KRT24: variants seen among roughly 807,000 people sequenced by gnomAD.
KRT24 encodes the protein keratin 24.
KRT24 carries 44 observed loss-of-function variants against 51.7 expected under a neutral mutation model. That is an observed-to-expected ratio of 0.85 (90% confidence interval 0.67 to 1.09). The LOEUF is 1.09. Among genes scored for constraint, KRT24 ranks in the 50% least tolerant of loss-of-function variants. The probability of loss-of-function intolerance (pLI) is 0.00; values close to 1 mark genes in which losing one functional copy is unlikely to be tolerated. For missense variants in KRT24, 633 were observed against 647.0 expected, an observed-to-expected ratio of 0.98 and a Z score of 0.24; for synonymous variants, 241 against 249.5, an observed-to-expected ratio of 0.97 and a Z score of 0.32.
At chr17:40,701,794 G>C in intron 2 of KRT24, 57 bp downstream of exon 2, 1 of 282,828 alleles carries the variant, frequency 3.5e-6, no homozygotes. Flanking sequence ...TTTATAAAAT[G>C]GAATAAAATT....
At chr17:40,702,011 G>A in intron 1 of KRT24, 78 bp from the exon 2 acceptor site, 1 of 632,686 alleles carries the variant, frequency 1.6e-6, no homozygotes, top group Non-Finnish European at 2.6e-6. Context: ...AAGGGTAGCT[G>A]TTGCCTGTGT....
chr17:40,699,091 G>T (rs187262585), intron 6 of KRT24, among the ~76,000 whole-genome samples: 87 of 151,990 alleles, frequency 5.7e-4, no homozygotes, highest in Non-Finnish European at 1.1e-3. Context: ...TGGCCAGGCT[G>T]GTCTCGAACT....
At position 40,701,902 on chromosome 17, in the gene KRT24, A is replaced by G; in HGVS notation, c.647T>C (p.Ile216Thr). ...IIAATVENAG[I>T]ILHIDNARLA... is the part of the protein sequence containing the mutation. ...TCTGGCATTGTCAATGTGCAAAATGATCCCAGCATTTTCAACAGTGGCAGC... is the reference window on the plus strand; with the variant it reads ...TCTGGCATTGTCAATGTGCAAAATGGTCCCAGCATTTTCAACAGTGGCAGC... The change falls in exon 2 of 8, where the codon ATC becomes ACC. Residue 216 changes from isoleucine (I) to threonine (T), a missense_variant. Ile to Thr is a moderately conservative substitution (Grantham distance 89). Coordinates refer to ENST00000264651, the MANE Select transcript of KRT24 (RefSeq NM_019016.3). 6.4e-7 allele frequency: 1 copy of G among 1,552,466 alleles called. No homozygotes were observed. The highest frequency in any genetic ancestry group is 8.8e-7 in the Non-Finnish European group (1 of 1,142,624).
At chr17:40,700,484 G>GA (rs929606239) in intron 3 of KRT24, 101 bp from the exon 4 acceptor site, 22,238 of 574,844 alleles carry the variant, frequency 0.039, 626 homozygotes, top group African/African-American at 0.18. Flanking sequence ...ACACTGAAAG[G>GA]AAAAAAAAAA....
rs1042197912 is a variant in KRT24, at chr17:40,703,660, C to A, written c.34G>T (p.Ala12Ser). ...ACCCTGGCTGAGCTGCTGCCTCCAGCCCTGGAGGAGGAGGCGCGAGACGAG... is the reference window on the plus strand; with the variant it reads ...ACCCTGGCTGAGCTGCTGCCTCCAGACCTGGAGGAGGAGGCGCGAGACGAG... The part of the protein sequence containing the change: ...SCSSRASSSR[A>S]GGSSSARVSA... The change falls in exon 1 of 8, where the codon GCT becomes TCT. Residue 12 changes from alanine to serine, a missense_variant. Transcript: ENST00000264651. 31 of 1,588,990 alleles carry A rather than the reference C, an allele frequency of 2.0e-5. No homozygotes were observed. The East Asian group carries it at 6.9e-4, about 36-fold the overall frequency.
In KRT24 at chr17:40,701,303, G is replaced by C. The variant is rs1221235072; in HGVS notation, c.699-7C>G. The C allele has an allele frequency of 6.2e-7, 1 of 1,611,046 alleles. No homozygotes were observed. Among genetic ancestry groups the C allele is most frequent in the South Asian group, 1.1e-5 (1 of 90,358 alleles). Reference sequence around the variant, plus strand: ...ACACAGCTCGTTCTCATACCTGGAAGGGGCAGCAGTAAGGCAAAAAATACT... The same window carrying C: ...ACACAGCTCGTTCTCATACCTGGAACGGGCAGCAGTAAGGCAAAAAATACT... On this transcript the variant is annotated splice_polypyrimidine_tract_variant and splice_region_variant and intron_variant, in intron 2 of 7. Transcript: ENST00000264651.
At position 40,703,065 on chromosome 17, in the gene KRT24, A is replaced by G; in HGVS notation, c.615+14T>C. 1 of 1,563,096 alleles carries G rather than the reference A, an allele frequency of 6.4e-7. No homozygotes were observed. Among genetic ancestry groups the G allele is most frequent in the Non-Finnish European group, 8.6e-7 (1 of 1,158,066 alleles). On this transcript the variant is annotated intron_variant, in intron 1 of 7. Transcript: ENST00000264651. ...ATCCACAAATAATAGAAACTCAGGC[A>G]CAGATAGTCTCACCTGGTTTCTGAG...
rs1191804093 is a variant in KRT24 at position 40,699,984 on chromosome 17, C to T, written c.1143+14G>A. On this transcript the variant is annotated intron_variant, in intron 5 of 7. Transcript: ENST00000264651. ...ACTCCCTGTTGGAAAATGTGAAAAG[C>T]TATTTGCACATACCATGGCCAGTTG... is the stretch of plus-strand genomic sequence containing the variant. 1.2e-6 allele frequency: 2 copies of T among 1,613,752 alleles called. No homozygotes were observed. Among genetic ancestry groups the T allele is most frequent in the Non-Finnish European group, 8.5e-7 (1 of 1,180,004 alleles).
chr17:40,700,454 A>C (rs2037663840), intron 3 of KRT24, 71 bp from the exon 4 acceptor site: 1 of 1,198,362 alleles, frequency 8.3e-7, no homozygotes. Context: ...GTGCCTAGAC[A>C]ACAACAATTT....
intron 5 of KRT24, 47 bp from the exon 6 acceptor site, chr17:40,699,708 G>T (rs1312643711): frequency 6.5e-7 from 1 of 1,528,380 alleles, no homozygotes; most frequent in Admixed American, 1.7e-5. Flanking sequence ...ATAAATCATT[G>T]GATGATTTTT....
At position 40,700,313 on chromosome 17, in the gene KRT24, T is replaced by C; in HGVS notation, c.926A>G (p.Asp309Gly). 1 of 1,614,066 alleles carries C rather than the reference T, an allele frequency of 6.2e-7. No individual in the cohort carries two copies. The highest frequency in any genetic ancestry group is 8.5e-7 in the Non-Finnish European group (1 of 1,180,006). The part of the protein sequence containing the change: ...TVEMNAAPGT[D>G]LTKLLNDMRA... ...CATGTCATTCAGTAATTTGGTCAGG[T>C]CGGTCCCTGGCGCAGCATTCATTTC... Residue 309 changes from aspartate (D) to glycine (G), a missense_variant, in exon 4 of 8, where the codon GAC (aspartate) becomes GGC (glycine). Physicochemically the swap from Asp to Gly is moderately conservative, Grantham distance 94. Coordinates refer to ENST00000264651, the MANE Select transcript of KRT24 (RefSeq NM_019016.3).
chr17:40,701,764 TATATATATATATA>T lies in KRT24; in HGVS notation c.698+74_698+86del, dbSNP rs1567863100. The T allele has an allele frequency of 7.8e-3, 333 of 42,478 alleles. 8 individuals are homozygous for T. Among genetic ancestry groups the T allele is most frequent in the African/African-American group, 0.036 (245 of 6,788 alleles). The allele number at this position is 42,478 out of a possible 1,614,324, so 2.6% of individuals were successfully genotyped here. A position where few individuals can be genotyped will look rare whatever the true frequency, so the allele number is the denominator to read the frequency against. On this transcript the variant is annotated intron_variant, in intron 2 of 7. Transcript: ENST00000264651. ...ATATATATATATATATATATATATATATATATATATATATATTTATTTATAAAATGGAATAAAA... is the reference window on the plus strand; with the variant it reads ...ATATATATATATATATATATATATATTATTTATTTATAAAATGGAATAAAA...
rs751991381 is a variant in KRT24 at position 40,699,446 on chromosome 17, T to G, written c.1359A>C (p.Gly453=). Residue 453 remains glycine, a splice_region_variant and synonymous_variant, in exon 6 of 8, where the codon GGA becomes GGC. Coordinates refer to ENST00000264651, the MANE Select transcript of KRT24 (RefSeq NM_019016.3). ...ETYRRLLDGE[G]GGSSFAEFGG... is the part of the protein sequence containing the mutation. The stretch of plus-strand genomic sequence containing the variant: ...GTTTGTTCATGACTTTGGTTTACCC[T>G]CCCTCTCCATCGAGCAGGCGGCGGT... The G allele has an allele frequency of 1.9e-6, 3 of 1,613,696 alleles. No individual in the cohort carries two copies. The Admixed American group carries it at 5.0e-5, about 27-fold the overall frequency.
rs746115409 is a variant in KRT24 at position 40,698,193 on chromosome 17, A to AT, written c.*43dup. On this transcript the variant is annotated 3_prime_UTR_variant, in exon 8 of 8. Transcript: ENST00000264651. ...CATTTCTTCGCTTGTGTCCTTCTTG[A>AT]TTTTTTTTTCTTTGAAAGACACTTT... 905 of 1,206,240 alleles carry AT rather than the reference A, an allele frequency of 7.5e-4. No homozygotes were observed. The highest frequency in any genetic ancestry group is 8.9e-4 in the Non-Finnish European group (730 of 815,900). 74.7% of individuals were successfully genotyped at this position (1,206,240 alleles called of 1,614,324 possible).
At position 40,698,020 on chromosome 17, in the gene KRT24, A is replaced by C; in HGVS notation, c.*217T>G. 3.9e-6 allele frequency: 2 copies of C among 518,896 alleles called. No individual in the cohort carries two copies. The highest frequency in any genetic ancestry group is 6.8e-6 in the Non-Finnish European group (2 of 294,318). The allele number at this position is 518,896 out of a possible 1,614,324, so 32.1% of individuals were successfully genotyped here. A position where few individuals can be genotyped will look rare whatever the true frequency, so the allele number is the denominator to read the frequency against. On this transcript the variant is annotated 3_prime_UTR_variant, in exon 8 of 8. Coordinates refer to ENST00000264651, the MANE Select transcript of KRT24 (RefSeq NM_019016.3). The stretch of plus-strand genomic sequence containing the variant: ...CTTGCAAAAGTAAATTTATTGAAGC[A>C]TAGAAACAATTAAAGCAAAGTTGTT...
At chr17:40,700,843 T>C (rs1324751486) in intron 3 of KRT24, among the ~76,000 whole-genome samples, 3 of 152,178 alleles carry the variant, frequency 2.0e-5, no homozygotes, top group Non-Finnish European at 2.9e-5. Context: ...TCTCATGATC[T>C]GCCTGCCTTG....
rs1329231297 is a variant in KRT24 at position 40,703,255 on chromosome 17, G to A, written c.439C>T (p.Leu147Phe). 1.2e-6 allele frequency: 2 copies of A among 1,614,036 alleles called. No individual in the cohort carries two copies. Among genetic ancestry groups the A allele is most frequent in the South Asian group, 2.2e-5 (2 of 91,074 alleles). The change falls in exon 1 of 8, where the codon CTC becomes TTC. Residue 147 changes from leucine to phenylalanine, a missense_variant. Coordinates refer to ENST00000264651, the MANE Select transcript of KRT24 (RefSeq NM_019016.3). The part of the protein sequence containing the change: ...SGGEKQTMQN[L>F]NDRLANYLDK... ...AGGTAATTGGCCAAGCGGTCATTGA[G>A]GTTCTGCATGGTTTGCTTTTCCCCT... is the stretch of plus-strand genomic sequence containing the variant.
At chr17:40,701,424 A>T (rs1457718903) in intron 2 of KRT24, 128 bp from the exon 3 acceptor site, 4 of 652,820 alleles carry the variant, frequency 6.1e-6, no homozygotes, top group African/African-American at 1.9e-5. Context: ...AAGGTTATTA[A>T]GTTTTCTCTT....
In KRT24 at chr17:40,698,417, A is replaced by G. The variant is rs537919234; in HGVS notation, c.1475-77T>C. ...GAGCAAGAGAAATTCAATCACATGC[A>G]TTCAACGTGTTCTGTCTGGGTAAGA... On this transcript the variant is annotated intron_variant, in intron 7 of 7. Transcript: ENST00000264651. 4.4e-6 allele frequency: 5 copies of G among 1,143,946 alleles called. No individual in the cohort carries two copies. The South Asian group carries it at 6.3e-5, about 14-fold the overall frequency. The allele number at this position is 1,143,946 out of a possible 1,614,324, so 70.9% of individuals were successfully genotyped here.
Sources: allele counts gnomAD v4.1 joint callset (sites outside exome capture counted in the v4.1 genomes callset), GRCh38; gene constraint gnomAD v4.1.1; transcripts MANE v1.5; gene names NCBI Gene and HGNC (gene_info 2026-07-23, HGNC 2026-07-21).